LRP1B: variants seen among roughly 807,000 people sequenced by gnomAD.
LRP1B encodes the protein low-density lipoprotein receptor-related protein 1B.
In LRP1B, 217 loss-of-function variants were observed where a neutral mutation model predicts 556.6. The ratio of observed to expected loss-of-function variants is 0.39; its 90% CI spans 0.35 to 0.44. The LOEUF (loss-of-function observed/expected upper bound fraction) is 0.44. Among genes scored for constraint, LRP1B ranks in the 20% least tolerant of loss-of-function variants. The pLI, the probability that LRP1B is intolerant of heterozygous loss-of-function variation, is 1.00. For synonymous variants in LRP1B, 2,047 were observed against 1,865.8 expected, an observed-to-expected ratio of 1.10 and a Z score of -2.50; for missense variants, 5,053 against 5,620.8, an observed-to-expected ratio of 0.90 and a Z score of 3.23.
intron 43 of LRP1B, among the ~76,000 whole-genome samples, chr2:140,573,304 A>T (rs1001917187): frequency 6.6e-6 from 1 of 151,944 alleles, no homozygotes; most frequent in Non-Finnish European, 1.5e-5. Flanking sequence ...AAAAAGTAGT[A>T]AATTAAGAAA....
At chr2:140,605,427 CTACTT>C (rs1368833454) in intron 41 of LRP1B, among the ~76,000 whole-genome samples, 1 of 152,104 alleles carries the variant, frequency 6.6e-6, no homozygotes, top group Non-Finnish European at 1.5e-5. Flanking sequence ...TAACTGTGCT[CTACTT>C]TAAGCCTAAC....
intron 15 of LRP1B, among the ~76,000 whole-genome samples, chr2:141,001,507 C>A (rs558818114): frequency 2.6e-5 from 4 of 152,000 alleles, no homozygotes; most frequent in Non-Finnish European, 5.9e-5. Context: ...GTGTGATGTT[C>A]CCCACCCTGT....
chr2:140,566,928 T>C (rs552698980), intron 43 of LRP1B, among the ~76,000 whole-genome samples: 1 of 152,200 alleles, frequency 6.6e-6, no homozygotes, highest in South Asian at 2.1e-4. Context: ...AGGGAAACAG[T>C]TCCTGGGCTA....
intron 11 of LRP1B, among the ~76,000 whole-genome samples, chr2:141,035,443 G>A (rs1263985451): frequency 6.6e-6 from 1 of 151,936 alleles, no homozygotes; most frequent in Non-Finnish European, 1.5e-5. Context: ...CTTATATTTA[G>A]TCCCTCGTTT....
chr2:141,937,320 G>A (rs975778469), intron 1 of LRP1B, among the ~76,000 whole-genome samples: 4 of 151,922 alleles, frequency 2.6e-5, no homozygotes, highest in African/African-American at 9.7e-5. Flanking sequence ...GGAAGGCGGA[G>A]TTTGCAGTGA....
At chr2:141,957,298 G>A (rs1185852766) in intron 1 of LRP1B, among the ~76,000 whole-genome samples, 1 of 142,592 alleles carries the variant, frequency 7.0e-6, no homozygotes, top group African/African-American at 2.6e-5. Flanking sequence ...CTGAATATCA[G>A]AATCACTTGA....
intron 1 of LRP1B, among the ~76,000 whole-genome samples, chr2:142,115,870 G>A (rs1384919386): frequency 2.0e-4 from 21 of 104,078 alleles, no homozygotes; most frequent in Non-Finnish European, 2.6e-4. Context: ...ATATATATAT[G>A]GGGGAAGTGA....
chr2:141,474,048 C>T (rs867968476), intron 3 of LRP1B, among the ~76,000 whole-genome samples: 4 of 95,722 alleles, frequency 4.2e-5, no homozygotes, highest in African/African-American at 1.7e-4. Flanking sequence ...TCCTTCCTTT[C>T]CTTCCTTCCT....
At chr2:141,870,087 G>A (rs1698533476) in intron 1 of LRP1B, among the ~76,000 whole-genome samples, 1 of 151,924 alleles carries the variant, frequency 6.6e-6, no homozygotes, top group Non-Finnish European at 1.5e-5. Flanking sequence ...AATGAGGAAG[G>A]CACAAGCAAA....
At chr2:141,788,421 C>T (rs1042325673) in intron 2 of LRP1B, among the ~76,000 whole-genome samples, 4 of 151,948 alleles carry the variant, frequency 2.6e-5, no homozygotes, top group African/African-American at 9.7e-5. Context: ...ATGAACAATT[C>T]TATGATATTA....
At chr2:141,864,562 G>GA (rs1698344536) in intron 1 of LRP1B, among the ~76,000 whole-genome samples, 2 of 91,620 alleles carry the variant, frequency 2.2e-5, no homozygotes, top group Non-Finnish European at 2.7e-5. Context: ...AAATCTTGAG[G>GA]GAAAAAAAAA....
At chr2:140,515,336 C>A (rs182509965) in intron 50 of LRP1B, among the ~76,000 whole-genome samples, 227 of 151,978 alleles carry the variant, frequency 1.5e-3, no homozygotes, top group Non-Finnish European at 2.5e-3. Flanking sequence ...TTTGTTATAC[C>A]TGACTAATAA....
At chr2:141,615,370 A>G (rs906626597) in intron 2 of LRP1B, among the ~76,000 whole-genome samples, 2 of 152,186 alleles carry the variant, frequency 1.3e-5, no homozygotes, top group African/African-American at 2.4e-5. Context: ...TCTCTCTACT[A>G]GAATGTAACC....
chr2:141,396,450 A>C (rs1559047835), intron 3 of LRP1B, among the ~76,000 whole-genome samples: 1 of 152,228 alleles, frequency 6.6e-6, no homozygotes, highest in Non-Finnish European at 1.5e-5. Context: ...GATATTTTGC[A>C]GTAATTGCTA....
At position 140,527,901 on chromosome 2, in the gene LRP1B, A is replaced by T. The variant is rs1690505959; in HGVS notation, c.7763-1551T>A. 3.3e-5 allele frequency among the ~76,000 whole-genome samples: 5 copies of T among 152,102 alleles called. No individual in the cohort carries two copies. The South Asian group carries it at 1.0e-3, about 32-fold the overall frequency. ...GCTTATAATCTCTTTTTAGAAGACAAATTGCATTTCTCTGTTTAATAACAT... is the reference window on the plus strand; with the variant it reads ...GCTTATAATCTCTTTTTAGAAGACATATTGCATTTCTCTGTTTAATAACAT... On this transcript the variant is annotated intron_variant, in intron 47 of 90. Transcript: ENST00000389484.
At chr2:140,565,666 A>C (rs1681098394) in intron 43 of LRP1B, among the ~76,000 whole-genome samples, 1 of 152,182 alleles carries the variant, frequency 6.6e-6, no homozygotes, top group Admixed American at 6.5e-5. Flanking sequence ...AACAACAAAT[A>C]AACAACTGCA....
chr2:141,777,392 T>C (rs1695112204), intron 2 of LRP1B, among the ~76,000 whole-genome samples: 1 of 152,112 alleles, frequency 6.6e-6, no homozygotes, highest in Admixed American at 6.5e-5. Flanking sequence ...AATCTGCAAA[T>C]GACTTTTATT....
chr2:141,990,734 T>C (rs1443239282), intron 1 of LRP1B, among the ~76,000 whole-genome samples: 4 of 152,096 alleles, frequency 2.6e-5, no homozygotes, highest in Admixed American at 2.6e-4. Flanking sequence ...GGTGTATGTG[T>C]GTATCTATAT....
At chr2:141,408,715 A>C (rs1281263551) in intron 3 of LRP1B, among the ~76,000 whole-genome samples, 3 of 151,920 alleles carry the variant, frequency 2.0e-5, no homozygotes, top group African/African-American at 7.3e-5. Context: ...ACTCTATTAA[A>C]CACTGATTTA....
Sources: gnomAD v4.1 joint callset for allele counts (sites outside exome capture counted in the v4.1 genomes callset) on GRCh38, gnomAD v4.1.1 for gene constraint, MANE v1.5 for transcripts, NCBI Gene and HGNC (gene_info 2026-07-23, HGNC 2026-07-21) for gene names.